DSCAM: variants seen among roughly 807,000 people sequenced by gnomAD.
DSCAM encodes cell adhesion molecule DSCAM.
DSCAM carries 47 observed loss-of-function variants against 217.7 expected under a neutral mutation model. The ratio of observed to expected loss-of-function variants is 0.22; its 90% CI spans 0.17 to 0.28. The LOEUF is 0.28. DSCAM is among the 10% of genes least tolerant of loss of function. The pLI, the probability that DSCAM is intolerant of heterozygous loss-of-function variation, is 1.00. For synonymous variants in DSCAM, 1,056 were observed against 1,015.3 expected (o/e 1.04, Z -0.76); for missense variants, 2,080 against 2,618.3 (o/e 0.79, Z 4.49).
intron 1 of DSCAM, among the ~76,000 whole-genome samples, chr21:40,759,774 C>A (rs1170408912): frequency 6.6e-6 from 1 of 152,170 alleles, no homozygotes; most frequent in Admixed American, 6.5e-5. Context: ...GCAGTCATTG[C>A]ACAGCCTGGG....
chr21:40,059,617 G>C (rs2089082603), intron 28 of DSCAM, among the ~76,000 whole-genome samples: 1 of 152,194 alleles, frequency 6.6e-6, no homozygotes, highest in Non-Finnish European at 1.5e-5. Context: ...GGTAGAAAAT[G>C]GTTGAAAAAT....
At chr21:40,133,245 G>A (rs765897512) in intron 19 of DSCAM, among the ~76,000 whole-genome samples, 4 of 152,108 alleles carry the variant, frequency 2.6e-5, no homozygotes, top group African/African-American at 4.8e-5. Flanking sequence ...GTTTTTGTAC[G>A]TTTGGGTAAT....
At chr21:40,792,142 T>C (rs35847906) in intron 1 of DSCAM, among the ~76,000 whole-genome samples, 39,382 of 117,010 alleles carry the variant, frequency 0.34, 6,170 homozygotes, top group South Asian at 0.5. Context: ...TTCTTCTTTT[T>C]TTTTTTTTTT....
rs2089933698 is a variant in DSCAM at position 40,113,959 on chromosome 21, A to T, written c.3696+10236T>A. Among the ~76,000 whole-genome samples, 5 of 152,062 alleles carry T rather than the reference A, an allele frequency of 3.3e-5. No individual in the cohort carries two copies. In the South Asian group the frequency reaches 1.0e-3, roughly 32 times the overall value. On this transcript the variant is annotated intron_variant, in intron 20 of 32. Transcript: ENST00000400454. Reference sequence around the variant, plus strand: ...CATTCCATGCTCATGGGTAGGAAGAATCAATATTGTGAAAATGGCCATACT... The same window carrying T: ...CATTCCATGCTCATGGGTAGGAAGATTCAATATTGTGAAAATGGCCATACT...
chr21:40,722,018 T>A (rs2090906369), intron 1 of DSCAM, among the ~76,000 whole-genome samples: 1 of 151,666 alleles, frequency 6.6e-6, no homozygotes, highest in Non-Finnish European at 1.5e-5. Context: ...GGGAGAGAAA[T>A]TTGAAGCATT....
chr21:40,486,336 C>G (rs1201813612), intron 3 of DSCAM, among the ~76,000 whole-genome samples: 4 of 152,118 alleles, frequency 2.6e-5, no homozygotes, highest in African/African-American at 9.7e-5. Context: ...CTTGACTGTC[C>G]TTTTTCAGAT....
intron 3 of DSCAM, among the ~76,000 whole-genome samples, chr21:40,450,534 T>C (rs139673859): frequency 6.6e-6 from 1 of 152,330 alleles, no homozygotes; most frequent in African/African-American, 2.4e-5. Context: ...GCCCTTGATT[T>C]AGGATTCATG....
At position 40,790,524 on chromosome 21, in the gene DSCAM, T is replaced by C. The variant is rs879909443; in HGVS notation, c.43+56095A>G. ...GCTCGTTTTGCCCTCTGCAATGAAA[T>C]TGCTTTGAGAATTCACCATCCTTCA... On this transcript the variant is annotated intron_variant, in intron 1 of 32. Coordinates refer to ENST00000400454, the MANE Select transcript of DSCAM (RefSeq NM_001389.5). 3.9e-5 allele frequency among the ~76,000 whole-genome samples: 6 copies of C among 152,200 alleles called. No homozygotes were observed. The South Asian group carries it at 6.2e-4, about 16-fold the overall frequency.
chr21:40,659,914 T>C (rs1045881539), intron 3 of DSCAM, among the ~76,000 whole-genome samples: 1 of 152,220 alleles, frequency 6.6e-6, no homozygotes, highest in African/African-American at 2.4e-5. Context: ...ATTTCAAAAA[T>C]GTTCAAGAAA....
chr21:40,111,932 T>G (rs1254738406), intron 20 of DSCAM, among the ~76,000 whole-genome samples: 2 of 151,974 alleles, frequency 1.3e-5, no homozygotes, highest in Non-Finnish European at 2.9e-5. Flanking sequence ...CTTAGAGACC[T>G]ACAAAGAGAC....
intron 1 of DSCAM, among the ~76,000 whole-genome samples, chr21:40,802,546 C>T (rs2091751271): frequency 6.6e-6 from 1 of 152,148 alleles, no homozygotes; most frequent in African/African-American, 2.4e-5. Flanking sequence ...GCTTAATCCC[C>T]AATGTGGCAG....
chr21:40,328,650 A>G (rs2123551171), intron 8 of DSCAM, among the ~76,000 whole-genome samples: 1 of 152,302 alleles, frequency 6.6e-6, no homozygotes, highest in East Asian at 1.9e-4. Context: ...ATCAAACTAA[A>G]AAAACTTCTG....
chr21:40,089,994 T>C (rs2089585635), intron 21 of DSCAM, among the ~76,000 whole-genome samples: 1 of 152,136 alleles, frequency 6.6e-6, no homozygotes, highest in Non-Finnish European at 1.5e-5. Context: ...GTCCTCCCCA[T>C]TCCCTGCAAC....
rs140616903 is a variant in DSCAM, at chr21:40,297,842, T to A, written c.2063-1668A>T. ...ATGACTACCAGCATAAAGCCAAGTG[T>A]TAAACACATTGGCTTGGTGTCCAGC... is the stretch of plus-strand genomic sequence containing the variant. On this transcript the variant is annotated intron_variant, in intron 9 of 32. Transcript: ENST00000400454. Among the ~76,000 whole-genome samples, 9 of 152,300 alleles carry A rather than the reference T, an allele frequency of 5.9e-5. No individual in the cohort carries two copies. The East Asian group carries it at 1.5e-3, about 26-fold the overall frequency.
At chr21:40,097,982 G>A (rs76728590) in intron 20 of DSCAM, among the ~76,000 whole-genome samples, 2,731 of 66,228 alleles carry the variant, frequency 0.041, 585 homozygotes, top group Admixed American at 0.1. Context: ...AAGAAAGAAA[G>A]AAAGAAAGAA....
intron 8 of DSCAM, among the ~76,000 whole-genome samples, chr21:40,320,248 G>A (rs1405053101): frequency 6.6e-6 from 1 of 152,116 alleles, no homozygotes; most frequent in Non-Finnish European, 1.5e-5. Context: ...TTACTGATGT[G>A]ATAAAAATCT....
rs538375770 is a variant in DSCAM at position 40,707,225 on chromosome 21, C to T, written c.361+1229G>A. ...GCAGATTATAAATACGCTTTTATAA[C>T]ACATCATTAAAATGTGCAGTCTTCC... On this transcript the variant is annotated intron_variant, in intron 2 of 32. Transcript: ENST00000400454. Among the ~76,000 whole-genome samples the T allele has an allele frequency of 1.4e-4, 22 of 152,294 alleles. 1 individual carries two copies. Among genetic ancestry groups the T allele is most frequent in the African/African-American group, 4.8e-4 (20 of 41,546 alleles).
Position 40,675,330 on chromosome 21 carries a change from C to A in DSCAM, c.508+17480G>T, listed in dbSNP as rs1006077458. Among the ~76,000 whole-genome samples, 3 of 152,196 alleles carry A rather than the reference C, an allele frequency of 2.0e-5. No homozygotes were observed. The East Asian group carries it at 5.8e-4, about 29-fold the overall frequency. ...GTAGAGAAGGGAAAAATCAATAAAT[C>A]TTTGAATTAATCATGCAGCTATCAG... On this transcript the variant is annotated intron_variant, in intron 3 of 32. Transcript: ENST00000400454.
At chr21:40,030,617 T>C (rs996336432) in intron 32 of DSCAM, among the ~76,000 whole-genome samples, 1 of 152,180 alleles carries the variant, frequency 6.6e-6, no homozygotes, top group African/African-American at 2.4e-5. Context: ...CATAGAATTT[T>C]AGGTTAAAAG....
Sources: allele counts gnomAD v4.1 joint callset (sites outside exome capture counted in the v4.1 genomes callset), GRCh38; gene constraint gnomAD v4.1.1; transcripts MANE v1.5; gene names NCBI Gene and HGNC (gene_info 2026-07-23, HGNC 2026-07-21).